ATP5MF: variants seen among roughly 807,000 people sequenced by gnomAD.
ATP5MF encodes the protein ATP synthase F(0) complex subunit f, mitochondrial.
Under a neutral mutation model 13.8 loss-of-function variants are expected in ATP5MF, and 10 were observed. The observed-to-expected ratio is 0.72, with a 90% confidence interval of 0.45 to 1.23. The LOEUF (loss-of-function observed/expected upper bound fraction) is 1.23, where lower values mean the gene tolerates loss of function less well. ATP5MF is among the 50% of genes most tolerant of loss of function. ATP5MF has a pLI of 0.00. For missense variants in ATP5MF, 122 were observed against 118.2 expected (o/e 1.03, Z -0.15); for synonymous variants, 40 against 45.8 (o/e 0.87, Z 0.51).
chr7:99,459,264 C>T lies in ATP5MF; in HGVS notation c.140-1G>A. ...TACTTGTTGTAGTACCGGTAGTAAC[C>T]TGCAAACGCAAGAGGCGCTCACTGC... On this transcript the variant is annotated splice_acceptor_variant, in intron 2 of 3. Coordinates refer to ENST00000292475, the MANE Select transcript of ATP5MF (RefSeq NM_004889.5). LOFTEE classifies it high-confidence loss of function. The T allele has an allele frequency of 6.2e-7, 1 of 1,610,970 alleles. No homozygotes were observed. Among genetic ancestry groups the T allele is most frequent in the Non-Finnish European group, 8.5e-7 (1 of 1,177,102 alleles).
At chr7:99,465,294 G>A (rs1179145279) in intron 1 of ATP5MF, among the ~76,000 whole-genome samples, 1 of 152,038 alleles carries the variant, frequency 6.6e-6, no homozygotes, top group African/African-American at 2.4e-5. Flanking sequence ...CAGAAACTGA[G>A]CTAAGACACA....
intron 1 of ATP5MF, chr7:99,460,426 T>A: frequency 1.4e-6 from 1 of 699,796 alleles, no homozygotes; most frequent in Admixed American, 2.0e-5. Context: ...CAACAGGACG[T>A]CTGAGTAACA....
At chr7:99,464,727 G>T (rs1172847376) in intron 1 of ATP5MF, among the ~76,000 whole-genome samples, 1 of 151,952 alleles carries the variant, frequency 6.6e-6, no homozygotes, top group Non-Finnish European at 1.5e-5. Flanking sequence ...TTGGGAGGTC[G>T]AAGCAGGTGA....
chr7:99,465,882 G>A (rs541533077), intron 1 of ATP5MF, among the ~76,000 whole-genome samples: 1 of 152,340 alleles, frequency 6.6e-6, no homozygotes, highest in African/African-American at 2.4e-5. Flanking sequence ...GCCCAGAAGC[G>A]CGTGCCCCAG....
chr7:99,466,086 C>T (rs1798862030), intron 1 of ATP5MF, 25 bp downstream of exon 1: 3 of 1,614,100 alleles, frequency 1.9e-6, no homozygotes, highest in Middle Eastern at 1.7e-4. Context: ...CTCCTGCTTC[C>T]ACCACGGAGT....
intron 1 of ATP5MF, chr7:99,460,573 C>T (rs1271858330): frequency 7.9e-6 from 4 of 509,500 alleles, no homozygotes; most frequent in Admixed American, 2.0e-5. Context: ...CATGTCTTTA[C>T]CTTAAAGGAG....
Position 99,459,207 on chromosome 7 carries a change from T to TC in ATP5MF, c.195dup (p.Ile66AspfsTer12). 1.9e-6 allele frequency: 3 copies of TC among 1,614,094 alleles called. No individual in the cohort carries two copies. The highest frequency in any genetic ancestry group is 2.5e-6 in the Non-Finnish European group (3 of 1,180,012). On this transcript the variant is annotated frameshift_variant, in exon 3 of 4. Coordinates refer to ENST00000292475, the MANE Select transcript of ATP5MF (RefSeq NM_004889.5). LOFTEE classifies it high-confidence loss of function. ...ACGTAGCATGCCAGCACCATGGTAATCCCCGAGATGCTCCCCTTCTTCACA... is the reference window on the plus strand; with the variant it reads ...ACGTAGCATGCCAGCACCATGGTAATCCCCCGAGATGCTCCCCTTCTTCACA...
At chr7:99,465,316 C>T (rs1018289759) in intron 1 of ATP5MF, among the ~76,000 whole-genome samples, 2 of 152,062 alleles carry the variant, frequency 1.3e-5, no homozygotes. Context: ...ATGTGTTAAT[C>T]AAAACTCTGC....
At chr7:99,459,317 T>C in intron 2 of ATP5MF, 54 bp from the exon 3 acceptor site, 2 of 1,334,112 alleles carry the variant, frequency 1.5e-6, no homozygotes, top group South Asian at 1.2e-5. Context: ...TTGAGTGAAG[T>C]TGAGCACACA....
chr7:99,461,224 T>C (rs1425948986), intron 1 of ATP5MF, among the ~76,000 whole-genome samples: 1 of 152,174 alleles, frequency 6.6e-6, no homozygotes, highest in Non-Finnish European at 1.5e-5. Context: ...AGACAGGGTC[T>C]CACTCCATTA....
intron 2 of ATP5MF, 169 bp downstream of exon 2, chr7:99,459,917 G>A: frequency 1.4e-6 from 1 of 713,760 alleles, no homozygotes; most frequent in Non-Finnish European, 2.3e-6. Context: ...CTTTGAAAGG[G>A]CCAATCAACC....
intron 1 of ATP5MF, among the ~76,000 whole-genome samples, chr7:99,460,950 T>G (rs1798574346): frequency 6.6e-6 from 1 of 151,962 alleles, no homozygotes; most frequent in South Asian, 2.1e-4. Context: ...GAGATAAAAA[T>G]AAGAGATAAC....
intron 1 of ATP5MF, among the ~76,000 whole-genome samples, chr7:99,461,351 A>G (rs1798591819): frequency 6.6e-6 from 1 of 152,142 alleles, no homozygotes; most frequent in African/African-American, 2.4e-5. Context: ...CTGGGACTAC[A>G]GGTGTGTGCC....
In ATP5MF at chr7:99,464,782, G is replaced by A. The variant is rs531363566; in HGVS notation, c.31+1329C>T. Among the ~76,000 whole-genome samples, 18 of 151,924 alleles carry A rather than the reference G, an allele frequency of 1.2e-4. 1 individual carries two copies. In the South Asian group the frequency reaches 2.9e-3, roughly 25 times the overall value. On this transcript the variant is annotated intron_variant, in intron 1 of 3. Transcript: ENST00000292475. The stretch of plus-strand genomic sequence containing the variant: ...TTGAGACCAGCCTGGTCAACGTGGC[G>A]AAACCCATCTCTACTAAAAATACAA...
chr7:99,462,288 T>TAAAAAA (rs755455949), intron 1 of ATP5MF, among the ~76,000 whole-genome samples: 9 of 30,898 alleles, frequency 2.9e-4, no homozygotes, highest in Non-Finnish European at 4.1e-4. Flanking sequence ...CCATCACTAC[T>TAAAAAA]AAAAAAAAAA....
chr7:99,458,430 G>A (rs1798429760), intron 3 of ATP5MF, 75 bp from the exon 4 acceptor site: 2 of 1,456,172 alleles, frequency 1.4e-6, no homozygotes, highest in Non-Finnish European at 1.9e-6. Flanking sequence ...GAAGCAGGCT[G>A]AGATCACACA....
chr7:99,462,180 C>T (rs1208194020), intron 1 of ATP5MF, among the ~76,000 whole-genome samples: 4 of 148,658 alleles, frequency 2.7e-5, no homozygotes, highest in Non-Finnish European at 5.9e-5. Flanking sequence ...GGGCCGGGCA[C>T]GGTGGCTCAC....
intron 3 of ATP5MF, among the ~76,000 whole-genome samples, chr7:99,458,664 T>A (rs1197898793): frequency 1.3e-5 from 2 of 151,348 alleles, no homozygotes; most frequent in African/African-American, 2.4e-5. Flanking sequence ...AGAATGGGAG[T>A]GAGGTGGGGG....
Position 99,458,245 on chromosome 7 carries a change from T to G in ATP5MF, c.*82A>C. The G allele has an allele frequency of 7.1e-7, 1 of 1,408,340 alleles. No homozygotes were observed. Among genetic ancestry groups the G allele is most frequent in the Non-Finnish European group, 9.8e-7 (1 of 1,015,504 alleles). 87.2% of individuals were successfully genotyped at this position (1,408,340 alleles called of 1,614,324 possible). A position where few individuals can be genotyped will look rare whatever the true frequency, so the allele number is the denominator to read the frequency against. ...TAATTCCTATTAGGATATGAAAGGA[T>G]TCAGCAACGATTGAGATTGTGTTCC... On this transcript the variant is annotated 3_prime_UTR_variant, in exon 4 of 4. Transcript: ENST00000292475.
Sources: gnomAD v4.1 joint callset for allele counts (sites outside exome capture counted in the v4.1 genomes callset) on GRCh38, gnomAD v4.1.1 for gene constraint, MANE v1.5 for transcripts, NCBI Gene and HGNC (gene_info 2026-07-23, HGNC 2026-07-21) for gene names.